Variants in ZNF385D observed in about 807,000 individuals in gnomAD.
ZNF385D encodes zinc finger protein 659.
ZNF385D carries 15 observed loss-of-function variants against 35.8 expected under a neutral mutation model. The ratio of observed to expected loss-of-function variants is 0.42; its 90% confidence interval spans 0.28 to 0.64. The LOEUF (loss-of-function observed/expected upper bound fraction) is 0.64. Among genes scored for constraint, ZNF385D ranks in the 30% least tolerant of loss-of-function variants. The pLI, the probability that ZNF385D is intolerant of heterozygous loss-of-function variation, is 0.23. For synonymous variants in ZNF385D, 212 were observed against 186.8 expected (o/e 1.13, Z -1.10); for missense variants, 474 against 494.6 (o/e 0.96, Z 0.39).
At chr3:22,290,773 AGATGTTTATTTGGTGTGTT>A (rs1303088165) in intron 2 of ZNF385D, among the ~76,000 whole-genome samples, 4 of 152,122 alleles carry the variant, frequency 2.6e-5, no homozygotes, top group African/African-American at 7.2e-5. Flanking sequence ...ATCTGTGTGT[AGATGTTTATTTGGTGTGTT>A]GATGGAACAG....
rs372494266 is a variant in ZNF385D at position 21,816,130 on chromosome 3, C to G, written c.326-151102G>C. ...AAAGGCCTTTGACAAAATTCAACAG[C>G]CCTTCATGCTAAAAACTCTCAATAA... On this transcript the variant is annotated intron_variant, in intron 3 of 5. Transcript: ENST00000494108. Among the ~76,000 whole-genome samples, 7 of 152,244 alleles carry G rather than the reference C, an allele frequency of 4.6e-5. No individual in the cohort carries two copies. The South Asian group carries it at 1.5e-3, about 32-fold the overall frequency.
intron 3 of ZNF385D, among the ~76,000 whole-genome samples, chr3:21,824,962 A>T (rs1374278389): frequency 6.6e-6 from 1 of 152,210 alleles, no homozygotes; most frequent in Non-Finnish European, 1.5e-5. Flanking sequence ...TAAAAATGTG[A>T]TGTGTAAATG....
intron 3 of ZNF385D, among the ~76,000 whole-genome samples, chr3:21,940,203 C>A (rs1323642691): frequency 6.6e-6 from 1 of 151,922 alleles, no homozygotes; most frequent in African/African-American, 2.4e-5. Context: ...CTTTTTTCAA[C>A]ATATGAAAAA....
At chr3:21,636,413 T>TATATAGAG (rs771464149) in intron 2 of ZNF385D, among the ~76,000 whole-genome samples, 1 of 25,638 alleles carries the variant, frequency 3.9e-5, no homozygotes, top group African/African-American at 1.3e-4. Flanking sequence ...TATATATATA[T>TATATAGAG]AGAGTTTCTT....
At chr3:21,845,338 T>C (rs1695940101) in intron 3 of ZNF385D, among the ~76,000 whole-genome samples, 1 of 151,982 alleles carries the variant, frequency 6.6e-6, no homozygotes, top group African/African-American at 2.4e-5. Context: ...ATAATTTTGG[T>C]TGTAGCATAA....
chr3:21,902,572 G>T (rs1403494789), intron 3 of ZNF385D, among the ~76,000 whole-genome samples: 1 of 152,126 alleles, frequency 6.6e-6, no homozygotes, highest in Non-Finnish European at 1.5e-5. Flanking sequence ...AAAAGAAAGG[G>T]GTTCTCCAGG....
intron 3 of ZNF385D, among the ~76,000 whole-genome samples, chr3:21,792,758 G>C (rs963603977): frequency 6.6e-6 from 1 of 152,114 alleles, no homozygotes; most frequent in African/African-American, 2.4e-5. Context: ...ATTGCATAAA[G>C]TTCAATGTCC....
rs372896727 is a variant in ZNF385D at position 22,164,642 on chromosome 3, T to G, written c.325+4175A>C. 2.0e-5 allele frequency among the ~76,000 whole-genome samples: 3 copies of G among 151,320 alleles called. No homozygotes were observed. In the South Asian group the frequency reaches 6.3e-4, roughly 32 times the overall value. On this transcript the variant is annotated intron_variant, in intron 3 of 5. Coordinates refer to the ZNF385D transcript ENST00000494108. ...TTTTTTTGAGTGAAACCACTTATAG[T>G]TTTTCTTCCTGGAAAAAGTCATCTC...
chr3:22,288,489 C>G (rs577491482), intron 2 of ZNF385D, among the ~76,000 whole-genome samples: 1 of 152,018 alleles, frequency 6.6e-6, no homozygotes, highest in Non-Finnish European at 1.5e-5. Flanking sequence ...TTTGAGTTCA[C>G]TGATGCCTTT....
intron 1 of ZNF385D, among the ~76,000 whole-genome samples, chr3:21,721,725 C>G (rs1272500768): frequency 6.6e-6 from 1 of 152,178 alleles, no homozygotes; most frequent in Non-Finnish European, 1.5e-5. Context: ...AGCCTCTCCA[C>G]TTTATTTTAT....
At chr3:21,495,147 G>C (rs1369064555) in intron 4 of ZNF385D, among the ~76,000 whole-genome samples, 1 of 151,622 alleles carries the variant, frequency 6.6e-6, no homozygotes, top group Non-Finnish European at 1.5e-5. Flanking sequence ...TGAATTAATA[G>C]ATAGATAAAA....
intron 1 of ZNF385D, among the ~76,000 whole-genome samples, chr3:21,707,753 C>T (rs1314542769): frequency 6.6e-6 from 1 of 152,120 alleles, no homozygotes; most frequent in Non-Finnish European, 1.5e-5. Context: ...CTTTAATGCT[C>T]TTGGTTAATA....
chr3:21,588,603 A>C (rs557126165), intron 2 of ZNF385D, among the ~76,000 whole-genome samples: 1 of 152,264 alleles, frequency 6.6e-6, no homozygotes, highest in Admixed American at 6.5e-5. Flanking sequence ...AGAAACATTA[A>C]AAATAATTTT....
intron 3 of ZNF385D, among the ~76,000 whole-genome samples, chr3:21,851,253 G>C (rs1008134109): frequency 6.6e-6 from 1 of 152,006 alleles, no homozygotes; most frequent in Admixed American, 6.6e-5. Context: ...AGAAAAGATT[G>C]TGAATTTGAT....
At chr3:21,823,392 A>C (rs1241569701) in intron 3 of ZNF385D, among the ~76,000 whole-genome samples, 4 of 152,132 alleles carry the variant, frequency 2.6e-5, no homozygotes, top group Admixed American at 2.6e-4. Flanking sequence ...TGGACTTTGC[A>C]TTCATTACAT....
intron 2 of ZNF385D, among the ~76,000 whole-genome samples, chr3:22,263,129 T>C (rs1321520948): frequency 6.6e-6 from 1 of 151,978 alleles, no homozygotes; most frequent in Non-Finnish European, 1.5e-5. Flanking sequence ...TCCCCTCCTA[T>C]TGTTAATTCT....
At chr3:22,263,316 G>T (rs1453630124) in intron 2 of ZNF385D, among the ~76,000 whole-genome samples, 4 of 151,852 alleles carry the variant, frequency 2.6e-5, no homozygotes, top group Non-Finnish European at 5.9e-5. Flanking sequence ...TTCCACTTGG[G>T]GACTTTCCAA....
intron 2 of ZNF385D, among the ~76,000 whole-genome samples, chr3:22,308,184 T>C (rs1382195762): frequency 1.3e-5 from 2 of 151,906 alleles, no homozygotes; most frequent in Admixed American, 1.3e-4. Context: ...CTACTAAAAA[T>C]GCTGAAACAA....
chr3:22,305,907 A>G (rs1182223425), intron 2 of ZNF385D, among the ~76,000 whole-genome samples: 2 of 152,164 alleles, frequency 1.3e-5, no homozygotes. Context: ...AACAGTTTCT[A>G]AATATTCTGT....
Sources: allele counts gnomAD v4.1 joint callset (sites outside exome capture counted in the v4.1 genomes callset), GRCh38; gene constraint gnomAD v4.1.1; transcripts MANE v1.5; gene names NCBI Gene and HGNC (gene_info 2026-07-23, HGNC 2026-07-21).